The following BANK1 variants were observed in gnomAD, a reference collection of about 807,000 sequenced individuals.
BANK1 encodes B-cell scaffold protein with ankyrin repeats.
In BANK1, 95 loss-of-function variants were observed where a neutral mutation model predicts 94.5. The observed-to-expected ratio is 1.00, with a 90% CI of 0.85 to 1.19. The LOEUF (loss-of-function observed/expected upper bound fraction) is 1.19. BANK1 is among the 50% of genes most tolerant of loss of function. The probability of loss-of-function intolerance (pLI) is 0.00; values close to 1 mark genes in which losing one functional copy is unlikely to be tolerated. For synonymous variants in BANK1, 334 were observed against 308.4 expected (o/e 1.08, Z -0.87); for missense variants, 987 against 932.2 (o/e 1.06, Z -0.77).
intron 6 of BANK1, among the ~76,000 whole-genome samples, chr4:101,897,325 G>A (rs776899437): frequency 1.3e-5 from 2 of 151,962 alleles, no homozygotes; most frequent in Admixed American, 1.3e-4. Flanking sequence ...AAATTGTGGA[G>A]ATGGAGAAGA....
intron 1 of BANK1, among the ~76,000 whole-genome samples, chr4:101,809,587 G>A (rs1220473892): frequency 3.3e-5 from 5 of 152,028 alleles, no homozygotes; most frequent in Admixed American, 3.3e-4. Context: ...ATAATAATTT[G>A]CATTTCCCTA....
intron 7 of BANK1, among the ~76,000 whole-genome samples, chr4:101,969,592 A>G (rs932762454): frequency 6.6e-6 from 1 of 151,444 alleles, no homozygotes; most frequent in Non-Finnish European, 1.5e-5. Flanking sequence ...TTTCTTTGTA[A>G]AAAAAAAAGT....
chr4:101,845,574 C>T (rs1026596382), intron 2 of BANK1, among the ~76,000 whole-genome samples: 14 of 152,138 alleles, frequency 9.2e-5, no homozygotes, highest in African/African-American at 3.1e-4. Flanking sequence ...GTAAGGATTA[C>T]ACATTTGACA....
chr4:101,911,148 C>T (rs987200927), intron 6 of BANK1, among the ~76,000 whole-genome samples: 1 of 152,172 alleles, frequency 6.6e-6, no homozygotes, highest in Non-Finnish European at 1.5e-5. Context: ...AGAGCTGGGA[C>T]TTGGATCCAG....
intron 13 of BANK1, among the ~76,000 whole-genome samples, chr4:102,070,334 G>T (rs1348345660): frequency 6.6e-6 from 1 of 152,096 alleles, no homozygotes; most frequent in African/African-American, 2.4e-5. Context: ...TTACACTTGG[G>T]AAGTGAGCAT....
chr4:102,030,232 C>T lies in BANK1; in HGVS notation c.1867C>T (p.Pro623Ser), dbSNP rs865962762. 6.2e-7 allele frequency: 1 copy of T among 1,600,874 alleles called. No homozygotes were observed. Among genetic ancestry groups the T allele is most frequent in the Non-Finnish European group, 8.5e-7 (1 of 1,176,508 alleles). The change falls in exon 10 of 17, where the codon CCA becomes TCA. Residue 623 changes from proline to serine, a missense_variant. By Grantham distance (74) the Pro-to-Ser change is moderately conservative. Transcript: ENST00000322953. ...CACACCCCGACCCACAAGTATACCT[C>T]CAAAAGAGGAAACTACACCTTACAT... ...APTPRPTSIP[P>S]KEETTPYIAQ...
intron 11 of BANK1, among the ~76,000 whole-genome samples, chr4:102,059,457 G>T (rs1443367394): frequency 6.6e-6 from 1 of 152,180 alleles, no homozygotes; most frequent in Non-Finnish European, 1.5e-5. Flanking sequence ...GAACTCTAAC[G>T]TGTGGCAAGG....
At position 101,941,895 on chromosome 4, in the gene BANK1, G is replaced by A. The variant is rs191340992; in HGVS notation, c.1206+23706G>A. ...TCTTCATTTTGTTGTTTTTATTACT[G>A]ACCCTCATGATGATCCACTTGTGTG... On this transcript the variant is annotated intron_variant, in intron 7 of 16. Transcript: ENST00000322953. Among the ~76,000 whole-genome samples the A allele has an allele frequency of 4.2e-3, 638 of 151,728 alleles. 8 individuals carry two copies. The highest frequency in any genetic ancestry group is 0.015 in the African/African-American group (626 of 41,426).
At chr4:101,906,343 C>T (rs115253710) in intron 6 of BANK1, among the ~76,000 whole-genome samples, 3,917 of 152,064 alleles carry the variant, frequency 0.026, 180 homozygotes, top group African/African-American at 0.091. Context: ...CCCTGTTGAT[C>T]GGGGGGTATA....
chr4:101,893,697 C>G, intron 5 of BANK1, among the ~76,000 whole-genome samples: 1 of 152,096 alleles, frequency 6.6e-6, no homozygotes, highest in East Asian at 1.9e-4. Context: ...ATTGTGTCAT[C>G]TTCATTTATA....
At chr4:102,029,567 A>G (rs1727215829) in intron 9 of BANK1, among the ~76,000 whole-genome samples, 1 of 148,128 alleles carries the variant, frequency 6.8e-6, no homozygotes. Flanking sequence ...ATATAATTAT[A>G]TTTTATACAT....
chr4:102,047,935 T>C (rs2148958293), intron 11 of BANK1, among the ~76,000 whole-genome samples: 1 of 152,022 alleles, frequency 6.6e-6, no homozygotes, highest in East Asian at 1.9e-4. Context: ...GAGGAGAGGG[T>C]GGTAAAGGGA....
At chr4:102,015,728 A>G (rs1479418349) in intron 7 of BANK1, among the ~76,000 whole-genome samples, 1 of 152,104 alleles carries the variant, frequency 6.6e-6, no homozygotes, top group Non-Finnish European at 1.5e-5. Context: ...GCTGTGAAAA[A>G]TCGTGTTCAT....
chr4:102,030,242 A>T lies in BANK1; in HGVS notation c.1877A>T (p.Glu626Val), dbSNP rs765278116. The change falls in exon 10 of 17, where the codon GAA (glutamate) becomes GTA (valine). Residue 626 changes from glutamate to valine, a missense_variant. Physicochemically the swap from Glu to Val is moderately radical, Grantham distance 121. Coordinates refer to ENST00000322953, the MANE Select transcript of BANK1 (RefSeq NM_017935.5). The part of the protein sequence containing the change: ...PRPTSIPPKE[E>V]TTPYIAQVFQ... Reference sequence around the variant, plus strand: ...CCCACAAGTATACCTCCAAAAGAGGAAACTACACCTTACATAGCTCAAGGT... The same window carrying T: ...CCCACAAGTATACCTCCAAAAGAGGTAACTACACCTTACATAGCTCAAGGT... 3.8e-6 allele frequency: 6 copies of T among 1,592,964 alleles called. No homozygotes were observed. The South Asian group carries it at 7.0e-5, about 18-fold the overall frequency.
rs557831760 is a variant in BANK1 at position 101,821,254 on chromosome 4, G to T, written c.71-8554G>T. Among the ~76,000 whole-genome samples the T allele has an allele frequency of 3.9e-5, 6 of 152,194 alleles. No individual in the cohort carries two copies. In the East Asian group the frequency reaches 9.6e-4, roughly 24 times the overall value. Reference sequence around the variant, plus strand: ...GTTGGCCACATGTATGTCTTCTTTTGAAAAGTGTCTATTCATGTCCTTTGC... The same window carrying T: ...GTTGGCCACATGTATGTCTTCTTTTTAAAAGTGTCTATTCATGTCCTTTGC... On this transcript the variant is annotated intron_variant, in intron 1 of 16. Transcript: ENST00000322953.
chr4:102,023,037 T>C (rs987539673), intron 8 of BANK1, among the ~76,000 whole-genome samples: 2 of 152,244 alleles, frequency 1.3e-5, no homozygotes, highest in Non-Finnish European at 2.9e-5. Flanking sequence ...ATATATTATT[T>C]ATCTGGTTGT....
intron 6 of BANK1, among the ~76,000 whole-genome samples, chr4:101,908,743 G>A (rs770431762): frequency 1.6e-4 from 25 of 152,120 alleles, no homozygotes; most frequent in South Asian, 4.2e-4. Flanking sequence ...AAAAGTGGGC[G>A]AAGGATATGA....
At position 101,790,752 on chromosome 4, in the gene BANK1, G is replaced by T. The variant is rs1313367742; in HGVS notation, c.-129G>T. On this transcript the variant is annotated 5_prime_UTR_variant, in exon 1 of 17. Transcript: ENST00000322953. ...CCTGAGACCTGGCCGCAGCCTCCGC[G>T]GGTGGCAAGCGGGCTGGGGAGAGCC... 3 of 1,016,802 alleles carry T rather than the reference G, an allele frequency of 3.0e-6. 1 individual carries two copies. The highest frequency in any genetic ancestry group is 2.9e-6 in the Non-Finnish European group (2 of 682,498). The allele number at this position is 1,016,802 out of a possible 1,614,324, so 63.0% of individuals were successfully genotyped here.
At chr4:101,978,280 A>G (rs971773638) in intron 7 of BANK1, among the ~76,000 whole-genome samples, 2 of 152,114 alleles carry the variant, frequency 1.3e-5, no homozygotes, top group Admixed American at 1.3e-4. Context: ...TTCAAAGATC[A>G]TACAACTCAA....
Sources: allele counts gnomAD v4.1 joint callset (sites outside exome capture counted in the v4.1 genomes callset), GRCh38; gene constraint gnomAD v4.1.1; transcripts MANE v1.5; gene names NCBI Gene and HGNC (gene_info 2026-07-23, HGNC 2026-07-21).